Variants in RBFOX1 observed in about 807,000 individuals in gnomAD.
The protein encoded by RBFOX1 is RNA binding protein fox-1 homolog 1.
Under a neutral mutation model 57.7 loss-of-function variants are expected in RBFOX1, and 8 were observed. The ratio of observed to expected loss-of-function variants is 0.14; its 90% CI spans 0.08 to 0.25. The LOEUF (loss-of-function observed/expected upper bound fraction) is 0.25. Ranked by LOEUF, RBFOX1 falls within the 10% of genes least tolerant of loss-of-function variation. RBFOX1 has a pLI of 1.00. For missense variants in RBFOX1, 611 were observed against 548.5 expected (o/e 1.11, Z -1.14); for synonymous variants, 326 against 222.4 (o/e 1.47, Z -4.15).
chr16:5,602,012 G>A (rs2047381833), downstream of RBFOX1, among the ~76,000 whole-genome samples: 1 of 152,198 alleles, frequency 6.6e-6, no homozygotes, highest in Non-Finnish European at 1.5e-5. Flanking sequence ...GAGTCTTCTA[G>A]GTTTGCAGAG....
intron 4 of RBFOX1, among the ~76,000 whole-genome samples, chr16:7,514,668 G>A (rs1449571007): frequency 6.6e-6 from 1 of 152,120 alleles, no homozygotes; most frequent in Non-Finnish European, 1.5e-5. Flanking sequence ...GGTAGGTGAG[G>A]CTTTCCAAGC....
chr16:6,798,028 T>C (rs556701265), intron 3 of RBFOX1, among the ~76,000 whole-genome samples: 1 of 152,210 alleles, frequency 6.6e-6, no homozygotes, highest in African/African-American at 2.4e-5. Flanking sequence ...ATGATGGTGA[T>C]GATGAAGTTG....
chr16:7,596,618 T>G (rs2094714537), intron 8 of RBFOX1, among the ~76,000 whole-genome samples: 1 of 152,072 alleles, frequency 6.6e-6, no homozygotes, highest in African/African-American at 2.4e-5. Context: ...TTTTTTTGAC[T>G]TGTCGTATTA....
At chr16:6,371,804 A>C (rs2090463937) in intron 2 of RBFOX1, among the ~76,000 whole-genome samples, 1 of 152,204 alleles carries the variant, frequency 6.6e-6, no homozygotes, top group Admixed American at 6.5e-5. Context: ...GAATTTGTTA[A>C]TCCTTCCTAA....
intron 3 of RBFOX1, among the ~76,000 whole-genome samples, chr16:5,631,751 CTGAGTATTTATTCAATGA>C (rs2048515531): frequency 6.6e-6 from 1 of 152,030 alleles, no homozygotes. Context: ...GAGGTGCTTA[CTGAGTATTTATTCAATGA>C]AGTGTCCAGA....
chr16:6,393,826 C>A (rs2152938040), intron 2 of RBFOX1, among the ~76,000 whole-genome samples: 1 of 152,250 alleles, frequency 6.6e-6, no homozygotes, highest in South Asian at 2.1e-4. Context: ...ATCTGGATGA[C>A]TGTTGAAAGC....
chr16:7,296,504 A>G (rs186436822), intron 4 of RBFOX1, among the ~76,000 whole-genome samples: 23 of 152,132 alleles, frequency 1.5e-4, no homozygotes, highest in African/African-American at 5.6e-4. Flanking sequence ...TAAGGGTGCT[A>G]CCATTGGCCC....
At chr16:6,338,968 G>T (rs747803713) in intron 2 of RBFOX1, among the ~76,000 whole-genome samples, 23 of 152,158 alleles carry the variant, frequency 1.5e-4, no homozygotes, top group Non-Finnish European at 3.4e-4. Context: ...TAGGAGACTG[G>T]CATGATTACA....
At chr16:5,485,351 A>G (rs982677783) in intron 2 of RBFOX1, among the ~76,000 whole-genome samples, 1 of 148,348 alleles carries the variant, frequency 6.7e-6, no homozygotes, top group African/African-American at 2.5e-5. Context: ...GTGTCAAAAA[A>G]AAAAAAAAAA....
At chr16:5,845,588 A>T (rs527487742) in intron 3 of RBFOX1, among the ~76,000 whole-genome samples, 1 of 152,168 alleles carries the variant, frequency 6.6e-6, no homozygotes, top group African/African-American at 2.4e-5. Context: ...AGCTTCTTCA[A>T]ATTTCACTGT....
In RBFOX1 at chr16:7,237,175, C is replaced by G. The variant is rs190358049; in HGVS notation, c.27+185077C>G. Among the ~76,000 whole-genome samples the G allele has an allele frequency of 6.2e-4, 95 of 152,310 alleles. 1 individual carries two copies. Among genetic ancestry groups the G allele is most frequent in the Admixed American group, 6.1e-3 (94 of 15,302 alleles). On this transcript the variant is annotated intron_variant, in intron 4 of 15. Transcript: ENST00000550418. ...TTGGGATAGGCCAGCGTGCCAGATG[C>G]CATCACAGAAAATAACTTCCCTTGC...
chr16:6,801,382 C>G (rs1207139482), intron 3 of RBFOX1, among the ~76,000 whole-genome samples: 2 of 152,084 alleles, frequency 1.3e-5, no homozygotes, highest in African/African-American at 4.8e-5. Flanking sequence ...TTGCATCTAT[C>G]TTTATACTAG....
At chr16:6,785,298 C>T (rs2081752522) in intron 3 of RBFOX1, among the ~76,000 whole-genome samples, 1 of 152,102 alleles carries the variant, frequency 6.6e-6, no homozygotes, top group South Asian at 2.1e-4. Flanking sequence ...GGATGGTGGG[C>T]CATAAGCCAT....
At chr16:7,026,731 C>A (rs1049105924) in intron 3 of RBFOX1, among the ~76,000 whole-genome samples, 2 of 152,158 alleles carry the variant, frequency 1.3e-5, no homozygotes, top group African/African-American at 2.4e-5. Context: ...TCTTCCATAC[C>A]TCCCCTACCC....
intron 2 of RBFOX1, among the ~76,000 whole-genome samples, chr16:6,633,341 G>T (rs566139365): frequency 1.3e-5 from 2 of 152,096 alleles, no homozygotes; most frequent in South Asian, 2.1e-4. Context: ...GCAGCGGCAC[G>T]ATCTTGGCTC....
chr16:6,357,950 C>A (rs373409599), intron 2 of RBFOX1, among the ~76,000 whole-genome samples: 1 of 144,280 alleles, frequency 6.9e-6, no homozygotes, highest in South Asian at 2.2e-4. Context: ...GAGCAAGACT[C>A]CATCTCAAAA....
intron 4 of RBFOX1, among the ~76,000 whole-genome samples, chr16:7,192,317 G>C (rs1433659163): frequency 6.6e-6 from 1 of 152,196 alleles, no homozygotes; most frequent in African/African-American, 2.4e-5. Flanking sequence ...GTCATATTCA[G>C]TGGAGAGGTT....
intron 2 of RBFOX1, among the ~76,000 whole-genome samples, chr16:6,651,133 C>G (rs962621575): frequency 1.5e-4 from 23 of 152,160 alleles, no homozygotes; most frequent in African/African-American, 5.6e-4. Flanking sequence ...AACACCTGAC[C>G]TCAGGTGATC....
chr16:6,492,721 G>A (rs10438591), intron 2 of RBFOX1, among the ~76,000 whole-genome samples: 2 of 152,068 alleles, frequency 1.3e-5, no homozygotes, highest in East Asian at 1.9e-4. Flanking sequence ...CTGGAGCGGA[G>A]GAAATACCTA....
Sources: gnomAD v4.1 joint callset for allele counts (sites outside exome capture counted in the v4.1 genomes callset) on GRCh38, gnomAD v4.1.1 for gene constraint, MANE v1.5 for transcripts, NCBI Gene and HGNC (gene_info 2026-07-23, HGNC 2026-07-21) for gene names.